The following CSMD2 variants were observed in gnomAD, a reference collection of about 807,000 sequenced individuals.
CSMD2 encodes the protein CUB and sushi domain-containing protein 2.
Under a neutral mutation model 398.5 loss-of-function variants are expected in CSMD2, and 130 were observed. That is an observed-to-expected ratio of 0.33 (90% CI 0.28 to 0.38). CSMD2 has a LOEUF of 0.38. Ranked by LOEUF, CSMD2 falls within the 10% of genes least tolerant of loss-of-function variation. The probability of loss-of-function intolerance (pLI) is 1.00; values close to 1 mark genes in which losing one functional copy is unlikely to be tolerated. For missense variants in CSMD2, 3,829 were observed against 4,764.9 expected (o/e 0.80, Z 5.78); for synonymous variants, 1,828 against 1,908.5 (o/e 0.96, Z 1.10).
rs528423445 is a variant in CSMD2, at chr1:33,521,325, G to A, written c.10597+138C>T. The A allele has an allele frequency of 5.2e-5, 35 of 667,364 alleles. No individual in the cohort carries two copies. In the East Asian group the frequency reaches 8.8e-4, roughly 17 times the overall value. The allele number at this position is 667,364 out of a possible 1,614,324, so 41.3% of individuals were successfully genotyped here. A position where few individuals can be genotyped will look rare whatever the true frequency, so the allele number is the denominator to read the frequency against. On this transcript the variant is annotated intron_variant, in intron 68 of 70. Coordinates refer to ENST00000373381, the MANE Select transcript of CSMD2 (RefSeq NM_001281956.2). ...ATGGCTTTTGTCAGAATCTCAAGAG[G>A]CATCCCTGATCCCAAAGAGGCCAAA...
At chr1:34,044,373 T>A (rs1269248130) in intron 2 of CSMD2, among the ~76,000 whole-genome samples, 1 of 152,218 alleles carries the variant, frequency 6.6e-6, no homozygotes, top group Non-Finnish European at 1.5e-5. Flanking sequence ...AAGGCTGGAA[T>A]AGATTATGTA....
chr1:33,625,775 A>C (rs74373321), intron 33 of CSMD2, among the ~76,000 whole-genome samples: 2,204 of 152,268 alleles, frequency 0.014, 58 homozygotes, highest in South Asian at 0.048. Context: ...AACACAGCTC[A>C]TCCTGGGCAG....
chr1:34,020,893 C>G (rs563554106), intron 3 of CSMD2, among the ~76,000 whole-genome samples: 2 of 152,096 alleles, frequency 1.3e-5, no homozygotes, highest in Non-Finnish European at 2.9e-5. Context: ...GGCTATGGAC[C>G]CTGCAGCTTG....
intron 56 of CSMD2, among the ~76,000 whole-genome samples, chr1:33,549,157 T>C (rs1657183609): frequency 6.6e-6 from 1 of 152,188 alleles, no homozygotes; most frequent in Non-Finnish European, 1.5e-5. Flanking sequence ...GGCAGGCTCA[T>C]CTGGGAATGT....
chr1:33,633,584 G>C lies in CSMD2; in HGVS notation c.5087-49C>G. 1 of 1,414,098 alleles carries C rather than the reference G, an allele frequency of 7.1e-7. No individual in the cohort carries two copies. Among genetic ancestry groups the C allele is most frequent in the Non-Finnish European group, 9.8e-7 (1 of 1,021,868 alleles). 87.6% of individuals were successfully genotyped at this position (1,414,098 alleles called of 1,614,324 possible). A position where few individuals can be genotyped will look rare whatever the true frequency, so the allele number is the denominator to read the frequency against. On this transcript the variant is annotated intron_variant, in intron 31 of 70. Transcript: ENST00000373381. The surrounding 1 kb of genome is among the most constrained non-coding windows in gnomAD (Gnocchi z 5.0). ...GACTGGGCAGGCACGCTGGGGGCAG[G>C]AGAGGGGATCTAGGGGTCTAGGGGC... is the stretch of plus-strand genomic sequence containing the variant.
rs143640743 is a variant in CSMD2, at chr1:33,545,092, C to T, written c.9100+945G>A. Among the ~76,000 whole-genome samples the T allele has an allele frequency of 1.5e-3, 235 of 152,230 alleles. 1 individual carries two copies. The highest frequency in any genetic ancestry group is 5.4e-3 in the African/African-American group (225 of 41,536). ...GTGCTGCCTGGCCATTACACACTTCCCAATTCCATTCCACTTGTATCTTGC... is the reference window on the plus strand; with the variant it reads ...GTGCTGCCTGGCCATTACACACTTCTCAATTCCATTCCACTTGTATCTTGC... On this transcript the variant is annotated intron_variant, in intron 57 of 70. Transcript: ENST00000373381.
At position 33,533,016 on chromosome 1, in the gene CSMD2, G is replaced by C; in HGVS notation, c.10171+34C>G. On this transcript the variant is annotated intron_variant, in intron 64 of 70. Coordinates refer to ENST00000373381, the MANE Select transcript of CSMD2 (RefSeq NM_001281956.2). The surrounding 1 kb of genome is among the most constrained non-coding windows in gnomAD (Gnocchi z 4.2). ...GTTCAGCCAGCACTTTCAGCCTCCCGCCCTGGAGAGCTTCCCCGAGCAGGC... is the reference window on the plus strand; with the variant it reads ...GTTCAGCCAGCACTTTCAGCCTCCCCCCCTGGAGAGCTTCCCCGAGCAGGC... 6.4e-7 allele frequency: 1 copy of C among 1,567,686 alleles called. No homozygotes were observed. Among genetic ancestry groups the C allele is most frequent in the Non-Finnish European group, 8.7e-7 (1 of 1,155,838 alleles).
chr1:33,629,736 T>G (rs367607059), intron 32 of CSMD2, among the ~76,000 whole-genome samples: 17 of 147,012 alleles, frequency 1.2e-4, no homozygotes, highest in African/African-American at 4.2e-4. Context: ...GATATTGATA[T>G]CTACAGGTTT....
At chr1:33,644,646 A>C (rs906365365) in intron 29 of CSMD2, among the ~76,000 whole-genome samples, 1 of 152,288 alleles carries the variant, frequency 6.6e-6, no homozygotes, top group Admixed American at 6.5e-5. Flanking sequence ...CGGGCAGGAC[A>C]ATTGAGGGTA....
chr1:33,845,267 C>G (rs1215438266), intron 6 of CSMD2, among the ~76,000 whole-genome samples: 1 of 152,192 alleles, frequency 6.6e-6, no homozygotes, highest in African/African-American at 2.4e-5. Flanking sequence ...CCTCTCTGAG[C>G]CCCAGCTTCC....
chr1:33,624,476 G>T lies in CSMD2; in HGVS notation c.5625+43C>A, dbSNP rs1641972193. ...GTCACCTGTGAGCTGTTACCTGGGA[G>T]CAGACGGCCACCTGCCCGACCGAGG... is the stretch of plus-strand genomic sequence containing the variant. On this transcript the variant is annotated intron_variant, in intron 35 of 70. Coordinates refer to ENST00000373381, the MANE Select transcript of CSMD2 (RefSeq NM_001281956.2). The surrounding 1 kb of genome is among the most constrained non-coding windows in gnomAD (Gnocchi z 4.7). 1.2e-6 allele frequency: 2 copies of T among 1,606,024 alleles called. No individual in the cohort carries two copies. Among genetic ancestry groups the T allele is most frequent in the Non-Finnish European group, 1.7e-6 (2 of 1,175,712 alleles).
At chr1:34,146,420 T>C (rs549755649) in intron 1 of CSMD2, among the ~76,000 whole-genome samples, 17 of 152,302 alleles carry the variant, frequency 1.1e-4, no homozygotes, top group African/African-American at 3.1e-4. Context: ...CAACTTCTCA[T>C]TGACCTTTGT....
intron 29 of CSMD2, among the ~76,000 whole-genome samples, chr1:33,639,958 T>C (rs1443206538): frequency 2.6e-5 from 4 of 152,200 alleles, no homozygotes; most frequent in Non-Finnish European, 5.9e-5. Context: ...ATGAGGAATA[T>C]GGTGATCAGA....
chr1:33,589,063 C>T (rs1018832890), intron 44 of CSMD2, among the ~76,000 whole-genome samples: 5 of 152,160 alleles, frequency 3.3e-5, no homozygotes, highest in South Asian at 2.1e-4. Context: ...TTTCTATAGA[C>T]GCACTCGCTG....
rs1216552090 is a variant in CSMD2, at chr1:33,533,290, G to A, written c.9992-61C>T. 1.9e-5 allele frequency: 28 copies of A among 1,447,576 alleles called. No individual in the cohort carries two copies. The highest frequency in any genetic ancestry group is 3.7e-5 in the Admixed American group (2 of 53,896). 89.7% of individuals were successfully genotyped at this position (1,447,576 alleles called of 1,614,324 possible). A position where few individuals can be genotyped will look rare whatever the true frequency, so the allele number is the denominator to read the frequency against. On this transcript the variant is annotated intron_variant, in intron 63 of 70. Coordinates refer to ENST00000373381, the MANE Select transcript of CSMD2 (RefSeq NM_001281956.2). This position sits in a 1 kb window ranked among gnomAD's most constrained non-coding sequence, Gnocchi z 4.2. ...GATTAGGGGCTTCAGGGGCCCTTTC[G>A]ACCATTCCCCTGTTCCTAGATAGAA...
At chr1:33,802,408 C>T (rs1655709273) in intron 10 of CSMD2, among the ~76,000 whole-genome samples, 1 of 152,198 alleles carries the variant, frequency 6.6e-6, no homozygotes, top group African/African-American at 2.4e-5. Context: ...GCGCACAGCC[C>T]ATAGATGCTC....
intron 24 of CSMD2, among the ~76,000 whole-genome samples, chr1:33,696,272 A>T (rs145211173): frequency 6.6e-6 from 1 of 152,356 alleles, no homozygotes; most frequent in African/African-American, 2.4e-5. Context: ...AAATAGGAGA[A>T]GAAGGGATCA....
intron 13 of CSMD2, among the ~76,000 whole-genome samples, chr1:33,745,529 G>A (rs1264780639): frequency 6.6e-6 from 1 of 152,234 alleles, no homozygotes; most frequent in East Asian, 1.9e-4. Context: ...GTTTGCCAAA[G>A]GGGGGAAAAC....
At chr1:33,564,270 A>G (rs1250994548) in intron 53 of CSMD2, among the ~76,000 whole-genome samples, 1 of 152,228 alleles carries the variant, frequency 6.6e-6, no homozygotes, top group Non-Finnish European at 1.5e-5. Flanking sequence ...CTAGAGTTAC[A>G]TAGCCACAGC....
Sources: gnomAD v4.1 joint callset for allele counts (sites outside exome capture counted in the v4.1 genomes callset) on GRCh38, gnomAD v4.1.1 for gene constraint, Gnocchi (gnomAD v3.1) non-coding constraint, MANE v1.5 for transcripts, NCBI Gene and HGNC (gene_info 2026-07-23, HGNC 2026-07-21) for gene names.